Variants in UCK2 observed in about 807,000 individuals in gnomAD.
UCK2 encodes the protein uridine-cytidine kinase 2.
UCK2 carries 6 observed loss-of-function variants against 30.8 expected under a neutral mutation model. That is an observed-to-expected ratio of 0.19 (90% confidence interval 0.11 to 0.38). The LOEUF (loss-of-function observed/expected upper bound fraction) is 0.38, where lower values mean the gene tolerates loss of function less well. UCK2 is among the 10% of genes least tolerant of loss of function. UCK2 has a pLI of 1.00. For missense variants in UCK2, 210 were observed against 339.8 expected (o/e 0.62, Z 3.00); for synonymous variants, 125 against 133.6 (o/e 0.94, Z 0.45).
intron 1 of UCK2, among the ~76,000 whole-genome samples, chr1:165,839,513 G>C (rs1208405927): frequency 6.6e-6 from 1 of 152,150 alleles, no homozygotes; most frequent in Non-Finnish European, 1.5e-5. Context: ...GGCTCTTCTT[G>C]CTGGGTCTTG....
chr1:165,901,444 T>A (rs1275383632), intron 4 of UCK2, among the ~76,000 whole-genome samples: 1 of 152,214 alleles, frequency 6.6e-6, no homozygotes, highest in Non-Finnish European at 1.5e-5. Context: ...TCTCTGTGCA[T>A]GCACCTGTGC....
intron 1 of UCK2, among the ~76,000 whole-genome samples, chr1:165,841,129 A>ATATATG (rs1194800213): frequency 2.0e-5 from 3 of 151,032 alleles, no homozygotes; most frequent in African/African-American, 7.3e-5. Context: ...ATATATATAT[A>ATATATG]TATAAAATGA....
chr1:165,906,020 G>T (rs1328435718), intron 6 of UCK2, 51 bp downstream of exon 6: 2 of 1,575,210 alleles, frequency 1.3e-6, no homozygotes, highest in East Asian at 4.5e-5. Flanking sequence ...CCCTTTGTCA[G>T]TCATAATTTG....
chr1:165,854,102 G>A (rs1335775660), intron 1 of UCK2, among the ~76,000 whole-genome samples: 1 of 152,168 alleles, frequency 6.6e-6, no homozygotes, highest in Non-Finnish European at 1.5e-5. Context: ...TCATTTTGGG[G>A]TTCAGATTGT....
At chr1:165,887,139 G>T (rs1050779449) in intron 1 of UCK2, among the ~76,000 whole-genome samples, 13 of 152,208 alleles carry the variant, frequency 8.5e-5, no homozygotes, top group Non-Finnish European at 1.9e-4. Context: ...TCTAAAGGTG[G>T]TCATAATGGA....
intron 1 of UCK2, among the ~76,000 whole-genome samples, chr1:165,863,302 T>C (rs912540624): frequency 1.3e-5 from 2 of 152,242 alleles, no homozygotes; most frequent in Non-Finnish European, 2.9e-5. Context: ...CCATTTGTTG[T>C]GAATGGCGTG....
chr1:165,899,023 G>A (rs929037835), intron 4 of UCK2, among the ~76,000 whole-genome samples: 5 of 152,152 alleles, frequency 3.3e-5, no homozygotes, highest in Non-Finnish European at 7.4e-5. Flanking sequence ...TGTGGAGTGC[G>A]GGGGTGCTGG....
In UCK2 at chr1:165,827,661, C is replaced by A. The variant is rs1296220189; in HGVS notation, c.-173C>A. On this transcript the variant is annotated 5_prime_UTR_variant, in exon 1 of 7. Transcript: ENST00000367879. ...GGCAAAGGAAGGCTCTTGGCTCCTT[C>A]GGGAAACCCAGCCCCGTCACCGGGC... The A allele has an allele frequency of 4.2e-6, 2 of 472,978 alleles. No homozygotes were observed. Among genetic ancestry groups the A allele is most frequent in the Non-Finnish European group, 6.8e-6 (2 of 294,456 alleles). The allele number at this position is 472,978 out of a possible 1,614,324, so 29.3% of individuals were successfully genotyped here.
chr1:165,863,990 T>A (rs1654984442), intron 1 of UCK2, among the ~76,000 whole-genome samples: 1 of 152,154 alleles, frequency 6.6e-6, no homozygotes, highest in African/African-American at 2.4e-5. Flanking sequence ...TCTTTTCTTT[T>A]AAGACGGAGT....
At chr1:165,884,443 A>G (rs78166924) in intron 1 of UCK2, among the ~76,000 whole-genome samples, 1 of 152,210 alleles carries the variant, frequency 6.6e-6, no homozygotes, top group East Asian at 1.9e-4. Flanking sequence ...TTCTGTAAGG[A>G]TGACTGTGAG....
Position 165,891,322 on chromosome 1 carries a change from G to A in UCK2, c.356G>A (p.Arg119Gln). Residue 119 changes from arginine (R) to glutamine (Q), a missense_variant and splice_region_variant, in exon 3 of 7, where the codon CGG becomes CAG. Arg to Gln is a conservative substitution (Grantham distance 43). Transcript: ENST00000367879. ...GTGTATGACTTTGTCTCCCATTCCCGGTAAGTGAGCTGTTCTGGGCCAGGG... is the reference window on the plus strand; with the variant it reads ...GTGTATGACTTTGTCTCCCATTCCCAGTAAGTGAGCTGTTCTGGGCCAGGG... ...IPVYDFVSHS[R>Q]KEETVTVYPA... 2.5e-6 allele frequency: 4 copies of A among 1,613,934 alleles called. No homozygotes were observed. The highest frequency in any genetic ancestry group is 3.4e-6 in the Non-Finnish European group (4 of 1,179,820).
At chr1:165,856,618 A>T (rs925466109) in intron 1 of UCK2, among the ~76,000 whole-genome samples, 8 of 152,084 alleles carry the variant, frequency 5.3e-5, no homozygotes, top group African/African-American at 1.7e-4. Flanking sequence ...AGGAAAAGAG[A>T]TTTTGAATGA....
At chr1:165,871,812 C>T (rs1469825834) in intron 1 of UCK2, among the ~76,000 whole-genome samples, 1 of 152,096 alleles carries the variant, frequency 6.6e-6, no homozygotes, top group Non-Finnish European at 1.5e-5. Context: ...TTAACTGCAT[C>T]AATAAAGAAT....
At chr1:165,895,465 C>T in intron 3 of UCK2, 4 of 985,058 alleles carry the variant, frequency 4.1e-6, no homozygotes, top group Non-Finnish European at 4.8e-6. Flanking sequence ...TTAGTGCCTG[C>T]CCTAGGCTAC....
rs534495757 is a variant in UCK2 at position 165,907,900 on chromosome 1, C to A, written c.*77C>A. ...AGGAGGCACTGCTCATCTGTACATACTGTTTCCTATGACATTACTGTATTT... is the reference window on the plus strand; with the variant it reads ...AGGAGGCACTGCTCATCTGTACATAATGTTTCCTATGACATTACTGTATTT... On this transcript the variant is annotated 3_prime_UTR_variant, in exon 7 of 7. Coordinates refer to ENST00000367879, the MANE Select transcript of UCK2 (RefSeq NM_012474.5). The A allele has an allele frequency of 6.6e-7, 1 of 1,526,334 alleles. No individual in the cohort carries two copies. The highest frequency in any genetic ancestry group is 1.4e-5 in the African/African-American group (1 of 72,448). 94.5% of individuals were successfully genotyped at this position (1,526,334 alleles called of 1,614,324 possible). A position where few individuals can be genotyped will look rare whatever the true frequency, so the allele number is the denominator to read the frequency against.
At chr1:165,882,218 A>G (rs1299161829) in intron 1 of UCK2, among the ~76,000 whole-genome samples, 1 of 152,186 alleles carries the variant, frequency 6.6e-6, no homozygotes, top group South Asian at 2.1e-4. Flanking sequence ...TCATCACCCT[A>G]CCCTTTAAAA....
At chr1:165,890,874 T>C in intron 2 of UCK2, 1 of 284,832 alleles carries the variant, frequency 3.5e-6, no homozygotes, top group South Asian at 3.8e-5. Context: ...TGGTGCCTAT[T>C]GTGTGTACTC....
intron 1 of UCK2, among the ~76,000 whole-genome samples, chr1:165,855,696 A>G (rs1234735407): frequency 6.6e-6 from 1 of 151,920 alleles, no homozygotes; most frequent in Non-Finnish European, 1.5e-5. Context: ...GTGTCTGACT[A>G]GTGTGTAGAA....
intron 1 of UCK2, among the ~76,000 whole-genome samples, chr1:165,839,695 T>C (rs116665165): frequency 6.6e-5 from 10 of 152,310 alleles, no homozygotes; most frequent in African/African-American, 2.2e-4. Flanking sequence ...CAGCCAGGCT[T>C]GTGTTAACAT....
Sources: allele counts gnomAD v4.1 joint callset (sites outside exome capture counted in the v4.1 genomes callset), GRCh38; gene constraint gnomAD v4.1.1; transcripts MANE v1.5; gene names NCBI Gene and HGNC (gene_info 2026-07-23, HGNC 2026-07-21).